Variants in WWOX observed in about 807,000 individuals in gnomAD.
WWOX encodes the protein WW domain containing oxidoreductase.
A neutral mutation model predicts 46.2 loss-of-function variants in WWOX; 69 were observed. The ratio of observed to expected loss-of-function variants is 1.49; its 90% confidence interval spans 1.23 to 1.82. The LOEUF (loss-of-function observed/expected upper bound fraction) is 1.82. WWOX is among the 40% of genes most tolerant of loss of function. The pLI is 0.00. For synonymous variants in WWOX, 359 were observed against 202.6 expected (o/e 1.77, Z -6.56); for missense variants, 919 against 542.6 (o/e 1.69, Z -6.89).
intron 8 of WWOX, among the ~76,000 whole-genome samples, chr16:79,209,145 G>T (rs1027901471): frequency 6.6e-6 from 1 of 152,166 alleles, no homozygotes; most frequent in Non-Finnish European, 1.5e-5. Context: ...TAAAAAGTTA[G>T]GCTTTTCAAA....
chr16:78,427,011 G>A (rs78546637), intron 7 of WWOX, among the ~76,000 whole-genome samples: 18 of 152,244 alleles, frequency 1.2e-4, no homozygotes, highest in Non-Finnish European at 4.4e-5. Flanking sequence ...ATTTCCCCAG[G>A]CTGGCTTGTG....
chr16:78,724,941 G>C (rs549975684), intron 8 of WWOX, among the ~76,000 whole-genome samples: 1 of 152,106 alleles, frequency 6.6e-6, no homozygotes, highest in African/African-American at 2.4e-5. Context: ...TACGTAGCAG[G>C]TATTTTACAG....
In WWOX at chr16:78,424,987, G is replaced by A. The variant is rs191029309; in HGVS notation, c.723G>A (p.Gln241=). The part of the protein sequence containing the change: ...VNHLGHFYLV[Q]LLQDVLCRSA... ...ATCTGGGGCACTTCTACCTTGTCCA[G>A]CTCCTCCAGGATGTTTTGTGCCGCT... Residue 241 remains glutamine, a synonymous_variant, in exon 7 of 9, where the codon CAG becomes CAA. Coordinates refer to ENST00000566780, the MANE Select transcript of WWOX (RefSeq NM_016373.4). The A allele has an allele frequency of 3.0e-5, 49 of 1,614,122 alleles. No individual in the cohort carries two copies. The African/African-American group carries it at 5.7e-4, about 19-fold the overall frequency.
intron 5 of WWOX, among the ~76,000 whole-genome samples, chr16:78,254,745 T>A (rs1366615050): frequency 6.6e-6 from 1 of 152,018 alleles, no homozygotes; most frequent in East Asian, 1.9e-4. Context: ...CCCAGGCTGG[T>A]CTCGAACTCG....
intron 8 of WWOX, among the ~76,000 whole-genome samples, chr16:78,457,909 C>CAAAAAAAAAAAAAAAAAAAAA (rs57956003): frequency 4.6e-5 from 4 of 87,018 alleles, no homozygotes; most frequent in African/African-American, 2.3e-4. Context: ...GACTCTGACT[C>CAAAAAAAAAAAAAAAAAAAAA]AAAAAAAAAA....
intron 8 of WWOX, among the ~76,000 whole-genome samples, chr16:79,076,841 C>G (rs536775289): frequency 7.9e-5 from 12 of 152,326 alleles, no homozygotes; most frequent in Admixed American, 5.2e-4. Context: ...ATGTGAATAA[C>G]AACAATGGCT....
intron 5 of WWOX, among the ~76,000 whole-genome samples, chr16:78,190,392 A>C (rs1862694): frequency 0.098 from 14,957 of 152,168 alleles, 825 homozygotes; most frequent in Admixed American, 0.12. Context: ...GAACTAATAA[A>C]TCCCGCTTTG....
intron 1 of WWOX, among the ~76,000 whole-genome samples, chr16:78,103,242 GTTTTTT>G (rs74264852): frequency 3.5e-5 from 5 of 142,602 alleles, no homozygotes; most frequent in African/African-American, 1.4e-4. Flanking sequence ...TGGCTCCGCT[GTTTTTT>G]TTTTTTTTTT....
chr16:78,154,379 C>T (rs557179390), intron 4 of WWOX, among the ~76,000 whole-genome samples: 1 of 152,164 alleles, frequency 6.6e-6, no homozygotes, highest in Non-Finnish European at 1.5e-5. Context: ...TCCACAGGCT[C>T]CCGCTGCCTA....
At chr16:78,963,767 GTGCTACTGACT>G (rs1009609254) in intron 8 of WWOX, among the ~76,000 whole-genome samples, 8 of 152,144 alleles carry the variant, frequency 5.3e-5, no homozygotes, top group African/African-American at 1.4e-4. Context: ...GGCCTTAAAG[GTGCTACTGACT>G]TGCTGATATG....
chr16:79,089,773 G>A (rs1246335394), intron 8 of WWOX, among the ~76,000 whole-genome samples: 1 of 152,144 alleles, frequency 6.6e-6, no homozygotes, highest in Non-Finnish European at 1.5e-5. Flanking sequence ...ACTTCATAGT[G>A]TTTGTTTGTT....
At chr16:78,927,275 A>G (rs1426466735) in intron 8 of WWOX, among the ~76,000 whole-genome samples, 11 of 152,180 alleles carry the variant, frequency 7.2e-5, no homozygotes, top group Non-Finnish European at 1.6e-4. Flanking sequence ...GGGAAAGAAC[A>G]TGACACCGGC....
At chr16:78,199,283 A>G (rs1052957617) in intron 5 of WWOX, among the ~76,000 whole-genome samples, 1 of 151,856 alleles carries the variant, frequency 6.6e-6, no homozygotes, top group African/African-American at 2.4e-5. Flanking sequence ...ACTGCACTCC[A>G]GCCTGGGTGA....
At chr16:78,888,251 C>A (rs144135771) in intron 8 of WWOX, among the ~76,000 whole-genome samples, 1 of 152,290 alleles carries the variant, frequency 6.6e-6, no homozygotes, top group Non-Finnish European at 1.5e-5. Flanking sequence ...CTTTGCTTCT[C>A]CCTTCTGAAA....
intron 5 of WWOX, among the ~76,000 whole-genome samples, chr16:78,296,846 C>T (rs367552070): frequency 1.3e-5 from 2 of 152,088 alleles, no homozygotes; most frequent in Non-Finnish European, 2.9e-5. Context: ...GGGTCTCGTT[C>T]GGTTGTTGTA....
Position 78,347,855 on chromosome 16 carries a change from T to C in WWOX, c.517-39005T>C, listed in dbSNP as rs971582529. On this transcript the variant is annotated intron_variant, in intron 5 of 8. Coordinates refer to ENST00000566780, the MANE Select transcript of WWOX (RefSeq NM_016373.4). Reference sequence around the variant, plus strand: ...TCTGGAAGGAATTCATTTTCCACTTTCCTTAATGTTCCTTAAATGTTGTAC... The same window carrying C: ...TCTGGAAGGAATTCATTTTCCACTTCCCTTAATGTTCCTTAAATGTTGTAC... 2.5e-5 allele frequency among the ~76,000 whole-genome samples: 3 copies of C among 121,748 alleles called. 1 individual carries two copies. Among genetic ancestry groups the C allele is most frequent in the Non-Finnish European group, 5.9e-5 (3 of 50,888 alleles). The allele number at this position is 121,748 out of a possible 152,430, so 79.9% of individuals were successfully genotyped here.
intron 8 of WWOX, among the ~76,000 whole-genome samples, chr16:79,014,150 G>T (rs1296551069): frequency 1.3e-5 from 2 of 152,202 alleles, no homozygotes; most frequent in Admixed American, 6.5e-5. Flanking sequence ...TCTGGGAAGG[G>T]ATGGTCCTAT....
intron 8 of WWOX, among the ~76,000 whole-genome samples, chr16:78,641,607 C>T (rs1028206390): frequency 3.9e-5 from 6 of 152,288 alleles, no homozygotes; most frequent in Non-Finnish European, 4.4e-5. Context: ...AGGGAGCCTT[C>T]ATCTGTTTTC....
At chr16:79,138,792 A>C (rs1211533561) in intron 8 of WWOX, among the ~76,000 whole-genome samples, 1 of 152,190 alleles carries the variant, frequency 6.6e-6, no homozygotes, top group African/African-American at 2.4e-5. Context: ...TTGCAGTCAC[A>C]GCAGAGATGC....
Sources: allele counts gnomAD v4.1 joint callset (sites outside exome capture counted in the v4.1 genomes callset), GRCh38; gene constraint gnomAD v4.1.1; transcripts MANE v1.5; gene names NCBI Gene and HGNC (gene_info 2026-07-23, HGNC 2026-07-21).